EPHA3: variants seen among roughly 807,000 people sequenced by gnomAD.
EPHA3 encodes the protein ephrin type-A receptor 3.
EPHA3 carries 42 observed loss-of-function variants against 107.1 expected under a neutral mutation model. The observed-to-expected ratio is 0.39, with a 90% CI of 0.31 to 0.51. The LOEUF is 0.51. Ranked by LOEUF, EPHA3 falls within the 20% of genes least tolerant of loss-of-function variation. The pLI, the probability that EPHA3 is intolerant of heterozygous loss-of-function variation, is 0.78. For missense variants in EPHA3, 1,183 were observed against 1,211.2 expected, an observed-to-expected ratio of 0.98 and a Z score of 0.35; for synonymous variants, 461 against 424.8, an observed-to-expected ratio of 1.09 and a Z score of -1.05.
At chr3:89,435,613 TTA>T (rs557036109) in intron 13 of EPHA3, among the ~76,000 whole-genome samples, 2,568 of 146,436 alleles carry the variant, frequency 0.018, 32 homozygotes, top group Non-Finnish European at 0.027. Context: ...TATAAATAAA[TTA>T]TATATGTTAT....
At chr3:89,120,193 T>C (rs1392003364) in intron 1 of EPHA3, among the ~76,000 whole-genome samples, 1 of 152,206 alleles carries the variant, frequency 6.6e-6, no homozygotes, top group African/African-American at 2.4e-5. Flanking sequence ...TTTTAATCTT[T>C]CAAAAAGGTC....
intron 6 of EPHA3, among the ~76,000 whole-genome samples, chr3:89,398,442 A>G (rs1208110711): frequency 6.6e-6 from 1 of 152,216 alleles, no homozygotes; most frequent in Admixed American, 6.5e-5. Context: ...TTTGGGAAGC[A>G]TTTCTAGCCT....
chr3:89,203,482 T>C (rs1469112725), intron 2 of EPHA3, among the ~76,000 whole-genome samples: 1 of 151,964 alleles, frequency 6.6e-6, no homozygotes, highest in Admixed American at 6.6e-5. Context: ...GAAAAATAAC[T>C]TAAAGCTCCG....
intron 10 of EPHA3, among the ~76,000 whole-genome samples, chr3:89,418,005 T>C (rs1443475984): frequency 2.6e-5 from 4 of 151,162 alleles, no homozygotes; most frequent in African/African-American, 4.8e-5. Flanking sequence ...AGCTGGCAAA[T>C]CAATAGGACA....
chr3:89,178,006 G>C (rs1705356433), intron 2 of EPHA3, among the ~76,000 whole-genome samples: 1 of 152,096 alleles, frequency 6.6e-6, no homozygotes, highest in South Asian at 2.1e-4. Context: ...AGGAACCAAA[G>C]TATTAGAGGA....
Position 89,122,157 on chromosome 3 carries a change from C to T in EPHA3, c.89-5052C>T, listed in dbSNP as rs530175027. Among the ~76,000 whole-genome samples, 4 of 152,194 alleles carry T rather than the reference C, an allele frequency of 2.6e-5. No individual in the cohort carries two copies. The East Asian group carries it at 7.7e-4, about 29-fold the overall frequency. On this transcript the variant is annotated intron_variant, in intron 1 of 16. Transcript: ENST00000336596. ...TGTAACCTAGAGCAAAGTTATTCTG[C>T]TTATTATAACAGAAAGTGGTGAAAA...
intron 2 of EPHA3, among the ~76,000 whole-genome samples, chr3:89,199,115 A>G (rs887814669): frequency 2.0e-5 from 3 of 152,212 alleles, no homozygotes; most frequent in South Asian, 2.1e-4. Context: ...CCATTTGGCT[A>G]TATATGATTA....
chr3:89,213,396 C>T (rs1461971337), intron 3 of EPHA3, among the ~76,000 whole-genome samples: 3 of 151,836 alleles, frequency 2.0e-5, no homozygotes, highest in Non-Finnish European at 4.4e-5. Context: ...GAATAGAGGT[C>T]CTGAAGAGAA....
chr3:89,429,287 T>A, intron 12 of EPHA3, 120 bp downstream of exon 12: 2 of 671,178 alleles, frequency 3.0e-6, no homozygotes, highest in Non-Finnish European at 4.9e-6. Flanking sequence ...TGAAATCTTC[T>A]GAGGCTAAAT....
intron 3 of EPHA3, among the ~76,000 whole-genome samples, chr3:89,225,214 C>T (rs1704475852): frequency 6.6e-6 from 1 of 152,106 alleles, no homozygotes; most frequent in African/African-American, 2.4e-5. Context: ...TGTGCTACTG[C>T]TTCGATGCCT....
At position 89,341,975 on chromosome 3, in the gene EPHA3, A is replaced by T; in HGVS notation, c.1191A>T (p.Thr397=). The part of the protein sequence containing the change: ...FGLTNTTVTV[T]DLLAHTNYTF... ...TCACCAACACCACGGTGACAGTGAC[A>T]GACCTTCTGGCACATACTAACTACA... The change falls in exon 5 of 17, where the codon ACA becomes ACT. Residue 397 remains threonine (T), a synonymous_variant. Coordinates refer to ENST00000336596, the MANE Select transcript of EPHA3 (RefSeq NM_005233.6). 1 of 1,613,454 alleles carries T rather than the reference A, an allele frequency of 6.2e-7. No individual in the cohort carries two copies. Among genetic ancestry groups the T allele is most frequent in the Non-Finnish European group, 8.5e-7 (1 of 1,179,918 alleles).
intron 3 of EPHA3, among the ~76,000 whole-genome samples, chr3:89,299,348 G>A (rs1236259002): frequency 6.6e-6 from 1 of 151,898 alleles, no homozygotes; most frequent in African/African-American, 2.4e-5. Flanking sequence ...AGTAGTTGGT[G>A]ACTAATTATA....
intron 2 of EPHA3, among the ~76,000 whole-genome samples, chr3:89,207,944 G>A (rs1391102971): frequency 1.3e-5 from 2 of 152,122 alleles, no homozygotes; most frequent in African/African-American, 2.4e-5. Flanking sequence ...ACTTTAGCAT[G>A]TATCATGAAT....
chr3:89,114,491 G>T (rs1707204377), intron 1 of EPHA3, among the ~76,000 whole-genome samples: 1 of 152,174 alleles, frequency 6.6e-6, no homozygotes, highest in African/African-American at 2.4e-5. Context: ...ATCTCCGGGT[G>T]CGCGTAACGC....
At chr3:89,448,841 A>G (rs1709930045) in intron 13 of EPHA3, among the ~76,000 whole-genome samples, 1 of 152,114 alleles carries the variant, frequency 6.6e-6, no homozygotes, top group South Asian at 2.1e-4. Context: ...TCAAGCATAA[A>G]TCTAGGTTAA....
chr3:89,271,753 A>C (rs1027816860), intron 3 of EPHA3, among the ~76,000 whole-genome samples: 1 of 152,048 alleles, frequency 6.6e-6, no homozygotes, highest in Admixed American at 6.6e-5. Flanking sequence ...AATACCAGGA[A>C]GAAAAAGAAA....
chr3:89,360,103 G>A (rs558722395), intron 5 of EPHA3, among the ~76,000 whole-genome samples: 71 of 150,254 alleles, frequency 4.7e-4, no homozygotes, highest in African/African-American at 1.5e-3. Context: ...TCTTTCCAGT[G>A]CACCAATAAT....
intron 3 of EPHA3, among the ~76,000 whole-genome samples, chr3:89,313,143 AG>A (rs1392344494): frequency 6.6e-6 from 1 of 151,974 alleles, no homozygotes; most frequent in Admixed American, 6.6e-5. Context: ...GCAATAATAG[AG>A]TTATGCCAAT....
chr3:89,431,501 A>T (rs886969096), intron 13 of EPHA3, 142 bp downstream of exon 13: 4 of 614,082 alleles, frequency 6.5e-6, no homozygotes, highest in Admixed American at 3.4e-5. Context: ...AAATTAAAAT[A>T]TTATTATTTA....
Sources: gnomAD v4.1 joint callset for allele counts (sites outside exome capture counted in the v4.1 genomes callset) on GRCh38, gnomAD v4.1.1 for gene constraint, MANE v1.5 for transcripts, NCBI Gene and HGNC (gene_info 2026-07-23, HGNC 2026-07-21) for gene names.